LRRC69: variants seen among roughly 807,000 people sequenced by gnomAD.
LRRC69 encodes the protein leucine rich repeat containing 69, also known as leucine-rich repeat-containing protein 69.
In LRRC69, 42 loss-of-function variants were observed where a neutral mutation model predicts 37.8. The observed-to-expected ratio is 1.11, with a 90% CI of 0.87 to 1.44. The LOEUF (loss-of-function observed/expected upper bound fraction) is 1.44. Ranked by LOEUF, LRRC69 falls within the 40% of genes most tolerant of loss-of-function variation. The pLI, the probability that LRRC69 is intolerant of heterozygous loss-of-function variation, is 0.00. For synonymous variants in LRRC69, 141 were observed against 143.1 expected (o/e 0.99, Z 0.11); for missense variants, 357 against 401.9 (o/e 0.89, Z 0.96).
intron 5 of LRRC69, among the ~76,000 whole-genome samples, chr8:91,155,117 A>G (rs1808810348): frequency 6.6e-6 from 1 of 151,532 alleles, no homozygotes; most frequent in Admixed American, 6.6e-5. Flanking sequence ...ATGAACTTCC[A>G]TTCACAATTG....
chr8:91,115,338 C>A (rs902450937), intron 1 of LRRC69, among the ~76,000 whole-genome samples: 7 of 152,006 alleles, frequency 4.6e-5, no homozygotes, highest in Middle Eastern at 6.8e-3. Context: ...TGCCTCCAGG[C>A]AGGTAACATA....
chr8:91,203,556 C>T lies in LRRC69; in HGVS notation c.933+2764C>T, dbSNP rs185765098. Among the ~76,000 whole-genome samples the T allele has an allele frequency of 2.0e-5, 3 of 151,012 alleles. No individual in the cohort carries two copies. The East Asian group carries it at 6.0e-4, about 30-fold the overall frequency. ...TACAGGTGGCCACCACCACACCTGG[C>T]TTTTTTTTGTGTGTGTATTTTTAGT... On this transcript the variant is annotated intron_variant, in intron 7 of 7. Transcript: ENST00000448384.
At chr8:91,142,276 C>A (rs1808544724) in intron 5 of LRRC69, among the ~76,000 whole-genome samples, 1 of 151,918 alleles carries the variant, frequency 6.6e-6, no homozygotes, top group East Asian at 1.9e-4. Context: ...ATATTGCAGA[C>A]CAAATAGAAA....
At chr8:91,150,544 C>T (rs1441417292) in intron 5 of LRRC69, among the ~76,000 whole-genome samples, 1 of 151,730 alleles carries the variant, frequency 6.6e-6, no homozygotes, top group Non-Finnish European at 1.5e-5. Flanking sequence ...GTCTAAAATT[C>T]TCTTTTTTTG....
At chr8:91,209,734 A>G (rs1439747940) in intron 7 of LRRC69, among the ~76,000 whole-genome samples, 1 of 152,216 alleles carries the variant, frequency 6.6e-6, no homozygotes, top group Non-Finnish European at 1.5e-5. Context: ...AAAAATTAGT[A>G]GAATTTTTAA....
chr8:91,117,822 T>A (rs2130491659), intron 1 of LRRC69, among the ~76,000 whole-genome samples: 1 of 151,962 alleles, frequency 6.6e-6, no homozygotes, highest in South Asian at 2.1e-4. Flanking sequence ...ATATGTGCTA[T>A]GAGAGCTGAT....
chr8:91,203,677 G>A (rs1256486940), intron 7 of LRRC69, among the ~76,000 whole-genome samples: 2 of 151,734 alleles, frequency 1.3e-5, no homozygotes, highest in East Asian at 3.9e-4. Context: ...GGGATTACAA[G>A]CGTAAGCCAC....
chr8:91,115,432 A>G (rs914071625), intron 1 of LRRC69, among the ~76,000 whole-genome samples: 6 of 152,012 alleles, frequency 3.9e-5, no homozygotes, highest in Non-Finnish European at 4.4e-5. Context: ...GCCAGTCCCC[A>G]GCACTGGTGG....
chr8:91,207,392 T>C (rs1052357579), intron 7 of LRRC69, among the ~76,000 whole-genome samples: 1 of 152,148 alleles, frequency 6.6e-6, no homozygotes, highest in Admixed American at 6.5e-5. Context: ...TTTTTTTATG[T>C]GTGTGTTTTG....
Position 91,136,095 on chromosome 8 carries a change from G to A in LRRC69, c.651+356G>A, listed in dbSNP as rs542954919. The stretch of plus-strand genomic sequence containing the variant: ...TTTATCCCTTGTAATTAATCCAAAG[G>A]TGACACTTTTGTTAGTCATTTTTAG... On this transcript the variant is annotated intron_variant, in intron 5 of 7. Transcript: ENST00000448384. Among the ~76,000 whole-genome samples, 7 of 151,944 alleles carry A rather than the reference G, an allele frequency of 4.6e-5. No individual in the cohort carries two copies. The South Asian group carries it at 1.2e-3, about 27-fold the overall frequency.
chr8:91,202,923 G>C (rs1809735502), intron 7 of LRRC69, among the ~76,000 whole-genome samples: 1 of 152,174 alleles, frequency 6.6e-6, no homozygotes, highest in Non-Finnish European at 1.5e-5. Flanking sequence ...GCAATGGAGG[G>C]AAATTATGGA....
rs1380765998 is a variant in LRRC69, at chr8:91,151,052, A to AT, written c.651+15319dup. Among the ~76,000 whole-genome samples, 3 of 150,642 alleles carry AT rather than the reference A, an allele frequency of 2.0e-5. No individual in the cohort carries two copies. The South Asian group carries it at 6.3e-4, about 32-fold the overall frequency. On this transcript the variant is annotated intron_variant, in intron 5 of 7. Coordinates refer to ENST00000448384, the Ensembl canonical transcript of LRRC69. ...AAAAAACCAGCTCCTGGATTCATTG[A>AT]TTTTTTGAAGGGTTTTTTGTGTCTC... is the stretch of plus-strand genomic sequence containing the variant.
At chr8:91,150,466 G>A (rs567356819) in intron 5 of LRRC69, among the ~76,000 whole-genome samples, 14 of 152,078 alleles carry the variant, frequency 9.2e-5, no homozygotes, top group African/African-American at 2.9e-4. Flanking sequence ...GCTTTTTGAT[G>A]TGCTGCTGGA....
At chr8:91,194,298 C>CTA (rs1809554824) in intron 6 of LRRC69, among the ~76,000 whole-genome samples, 1 of 149,544 alleles carries the variant, frequency 6.7e-6, no homozygotes, top group Non-Finnish European at 1.5e-5. Flanking sequence ...GGATATTGGT[C>CTA]TAAAATTCTC....
At chr8:91,168,840 CA>C (rs1048859749) in intron 5 of LRRC69, among the ~76,000 whole-genome samples, 4 of 151,818 alleles carry the variant, frequency 2.6e-5, no homozygotes, top group South Asian at 2.1e-4. Context: ...AAACATTGCT[CA>C]AAAAATGTTG....
chr8:91,106,161 C>A (rs1375331618), intron 1 of LRRC69, among the ~76,000 whole-genome samples: 1 of 151,930 alleles, frequency 6.6e-6, no homozygotes, highest in Admixed American at 6.6e-5. Context: ...CTCTAAAATT[C>A]CCGTGTACTT....
intron 7 of LRRC69, among the ~76,000 whole-genome samples, chr8:91,213,887 CATT>C (rs1809984323): frequency 6.6e-6 from 1 of 151,992 alleles, no homozygotes; most frequent in Non-Finnish European, 1.5e-5. Flanking sequence ...CAGGAGGAGA[CATT>C]ATTAAAAAGT....
At chr8:91,157,733 C>T in intron 5 of LRRC69, 3 of 1,604,540 alleles carry the variant, frequency 1.9e-6, no homozygotes, top group Non-Finnish European at 2.6e-6. Context: ...ATGCAGGTGG[C>T]AGTCTGAGGA....
At chr8:91,115,657 C>G (rs1586226125) in intron 1 of LRRC69, among the ~76,000 whole-genome samples, 1 of 152,010 alleles carries the variant, frequency 6.6e-6, no homozygotes, top group East Asian at 1.9e-4. Flanking sequence ...GCCCAAACAT[C>G]TGGGAAGATC....
Sources: gnomAD v4.1 joint callset for allele counts (sites outside exome capture counted in the v4.1 genomes callset) on GRCh38, gnomAD v4.1.1 for gene constraint, MANE v1.5 for transcripts, NCBI Gene and HGNC (gene_info 2026-07-23, HGNC 2026-07-21) for gene names.